CARMIL1: variants seen among roughly 807,000 people sequenced by gnomAD.
The protein encoded by CARMIL1 is capping protein regulator and myosin 1 linker 1, also known as F-actin-uncapping protein LRRC16A.
CARMIL1 carries 90 observed loss-of-function variants against 177.1 expected under a neutral mutation model. That is an observed-to-expected ratio of 0.51 (90% CI 0.43 to 0.61). The LOEUF is 0.61. CARMIL1 is among the 20% of genes least tolerant of loss of function. CARMIL1 has a pLI of 0.00. For missense variants in CARMIL1, 1,380 were observed against 1,667.0 expected (o/e 0.83, Z 3.00); for synonymous variants, 577 against 606.2 (o/e 0.95, Z 0.71).
At chr6:25,485,450 C>T (rs1360640703) in intron 12 of CARMIL1, among the ~76,000 whole-genome samples, 1 of 152,244 alleles carries the variant, frequency 6.6e-6, no homozygotes, top group African/African-American at 2.4e-5. Context: ...GAGTCTCGCT[C>T]TGTCGCTCGG....
At chr6:25,581,220 T>C (rs1350644703) in intron 30 of CARMIL1, 23 bp from the exon 31 acceptor site, 26 of 1,599,784 alleles carry the variant, frequency 1.6e-5, no homozygotes, top group Non-Finnish European at 2.1e-5. Context: ...GCTGTTTTTT[T>C]GTTTTTTTGT....
intron 26 of CARMIL1, 21 bp downstream of exon 26, chr6:25,540,099 G>A: frequency 6.4e-7 from 1 of 1,566,962 alleles, no homozygotes; most frequent in Non-Finnish European, 8.6e-7. Context: ...TTTGTTATTT[G>A]GGAAATGAAA....
At chr6:25,436,967 G>C (rs111591451) in intron 5 of CARMIL1, among the ~76,000 whole-genome samples, 3 of 152,120 alleles carry the variant, frequency 2.0e-5, no homozygotes, top group African/African-American at 7.2e-5. Context: ...TGGAGAAGAG[G>C]TGTGGGCAGC....
intron 2 of CARMIL1, among the ~76,000 whole-genome samples, chr6:25,360,190 A>C (rs778849637): frequency 5.8e-4 from 88 of 152,306 alleles, no homozygotes; most frequent in Middle Eastern, 6.8e-3. Context: ...TATTAATAGA[A>C]CATTGGATTA....
At chr6:25,524,993 A>C (rs1032128874) in intron 23 of CARMIL1, among the ~76,000 whole-genome samples, 4 of 152,178 alleles carry the variant, frequency 2.6e-5, no homozygotes, top group African/African-American at 9.6e-5. Context: ...GGATAATTAC[A>C]GAAGATGAAA....
intron 2 of CARMIL1, among the ~76,000 whole-genome samples, chr6:25,409,302 C>A (rs761951677): frequency 1.3e-5 from 2 of 152,198 alleles, no homozygotes; most frequent in African/African-American, 4.8e-5. Flanking sequence ...GGTCTCACAC[C>A]TTTGTCCCTG....
intron 5 of CARMIL1, among the ~76,000 whole-genome samples, chr6:25,447,310 A>G (rs1798329198): frequency 1.3e-5 from 2 of 152,236 alleles, no homozygotes; most frequent in Admixed American, 1.3e-4. Context: ...TATTTAAATG[A>G]TTTGATATGT....
chr6:25,361,365 A>G (rs1789171935), intron 2 of CARMIL1, among the ~76,000 whole-genome samples: 1 of 152,062 alleles, frequency 6.6e-6, no homozygotes, highest in African/African-American at 2.4e-5. Context: ...TCTAGGGGAA[A>G]GTCTTTACCT....
At chr6:25,327,556 C>T (rs926945301) in intron 2 of CARMIL1, among the ~76,000 whole-genome samples, 1 of 152,176 alleles carries the variant, frequency 6.6e-6, no homozygotes, top group Non-Finnish European at 1.5e-5. Context: ...ACTGGCTCCC[C>T]TCCGGCTACT....
intron 2 of CARMIL1, among the ~76,000 whole-genome samples, chr6:25,381,228 G>A (rs1031327853): frequency 6.6e-6 from 1 of 152,150 alleles, no homozygotes; most frequent in African/African-American, 2.4e-5. Flanking sequence ...ATTGAAATAG[G>A]CAGTTATAAA....
chr6:25,407,324 G>A (rs1408553149), intron 2 of CARMIL1, among the ~76,000 whole-genome samples: 1 of 152,032 alleles, frequency 6.6e-6, no homozygotes, highest in African/African-American at 2.4e-5. Flanking sequence ...TTTAGAGATG[G>A]AAGAGAAAGG....
At chr6:25,300,851 AT>A (rs1782808897) in intron 2 of CARMIL1, among the ~76,000 whole-genome samples, 2 of 152,218 alleles carry the variant, frequency 1.3e-5, no homozygotes, top group Non-Finnish European at 2.9e-5. Context: ...TACTTAGATA[AT>A]TAAGTTAGCT....
At chr6:25,391,234 A>G (rs1792787548) in intron 2 of CARMIL1, among the ~76,000 whole-genome samples, 1 of 152,258 alleles carries the variant, frequency 6.6e-6, no homozygotes, top group South Asian at 2.1e-4. Context: ...ATAATAGGGT[A>G]GCTGGCTGGG....
At chr6:25,280,838 A>T (rs1781033543) in intron 1 of CARMIL1, among the ~76,000 whole-genome samples, 1 of 152,284 alleles carries the variant, frequency 6.6e-6, no homozygotes, top group Middle Eastern at 3.4e-3. Flanking sequence ...CACAGCCTAC[A>T]GCTCACAAAG....
At chr6:25,473,929 G>C (rs544575234) in intron 11 of CARMIL1, among the ~76,000 whole-genome samples, 2 of 152,292 alleles carry the variant, frequency 1.3e-5, no homozygotes, top group East Asian at 3.9e-4. Context: ...AGAGGAGTCA[G>C]TAGGTTTAGA....
chr6:25,370,828 A>G (rs547202177), intron 2 of CARMIL1, among the ~76,000 whole-genome samples: 1 of 152,106 alleles, frequency 6.6e-6, no homozygotes, highest in Non-Finnish European at 1.5e-5. Flanking sequence ...GACAAATTGT[A>G]TAGTGGTGAA....
At chr6:25,389,386 G>A (rs1357413318) in intron 2 of CARMIL1, among the ~76,000 whole-genome samples, 1 of 152,008 alleles carries the variant, frequency 6.6e-6, no homozygotes, top group Non-Finnish European at 1.5e-5. Context: ...TTGCTGTGTT[G>A]CCCAGGCTGC....
intron 8 of CARMIL1, among the ~76,000 whole-genome samples, chr6:25,462,628 A>G (rs1800222038): frequency 6.6e-6 from 1 of 151,988 alleles, no homozygotes; most frequent in South Asian, 2.1e-4. Flanking sequence ...TTCTTAAAAT[A>G]CTCTTTCTCC....
chr6:25,467,148 A>G (rs980641550), intron 9 of CARMIL1, among the ~76,000 whole-genome samples: 1 of 147,474 alleles, frequency 6.8e-6, no homozygotes, highest in Non-Finnish European at 1.5e-5. Flanking sequence ...TGTGAACTAT[A>G]TAATTCAAAC....
Sources: allele counts gnomAD v4.1 joint callset (sites outside exome capture counted in the v4.1 genomes callset), GRCh38; gene constraint gnomAD v4.1.1; transcripts MANE v1.5; gene names NCBI Gene and HGNC (gene_info 2026-07-23, HGNC 2026-07-21).